RIMBP2: variants seen among roughly 807,000 people sequenced by gnomAD.
The protein encoded by RIMBP2 is RIMS binding protein 2, also known as RIMS-binding protein 2.
In RIMBP2, 48 loss-of-function variants were observed where a neutral mutation model predicts 118.6. That is an observed-to-expected ratio of 0.40 (90% CI 0.32 to 0.51). The LOEUF (loss-of-function observed/expected upper bound fraction) is 0.51. Ranked by LOEUF, RIMBP2 falls within the 20% of genes least tolerant of loss-of-function variation. RIMBP2 has a pLI of 0.41. For missense variants in RIMBP2, 1,551 were observed against 1,768.3 expected (o/e 0.88, Z 2.20); for synonymous variants, 762 against 742.9 (o/e 1.03, Z -0.42).
chr12:130,455,276 G>A (rs867834361), intron 7 of RIMBP2, among the ~76,000 whole-genome samples: 6 of 152,342 alleles, frequency 3.9e-5, no homozygotes, highest in African/African-American at 7.2e-5. Flanking sequence ...CTTGGCAGCC[G>A]CCTTCCAGGA....
chr12:130,498,485 G>A (rs1277892776), intron 4 of RIMBP2, among the ~76,000 whole-genome samples: 1 of 152,166 alleles, frequency 6.6e-6, no homozygotes, highest in Admixed American at 6.5e-5. Flanking sequence ...GACAAGATGA[G>A]TGCGCTGAAG....
intron 4 of RIMBP2, among the ~76,000 whole-genome samples, chr12:130,494,884 A>C (rs1032678390): frequency 6.6e-6 from 1 of 152,230 alleles, no homozygotes; most frequent in African/African-American, 2.4e-5. Context: ...GCCCTGGAGC[A>C]CAGAAGGCTG....
At chr12:130,470,664 C>T (rs979017315) in intron 6 of RIMBP2, 29 bp downstream of exon 6, 9 of 1,224,530 alleles carry the variant, frequency 7.3e-6, no homozygotes, top group Admixed American at 8.4e-5. Context: ...CCCCCACCCC[C>T]GGGCAGAAAG....
At chr12:130,526,949 G>T (rs1200859095) in intron 2 of RIMBP2, among the ~76,000 whole-genome samples, 3 of 152,198 alleles carry the variant, frequency 2.0e-5, no homozygotes, top group African/African-American at 7.2e-5. Context: ...GAAGCCTGGA[G>T]AGGGAGCCTG....
chr12:130,691,839 G>A (rs2065320579), intron 1 of RIMBP2, among the ~76,000 whole-genome samples: 1 of 152,170 alleles, frequency 6.6e-6, no homozygotes, highest in South Asian at 2.1e-4. Flanking sequence ...AAATTAGCAG[G>A]AGAATAGAGG....
rs377373948 is a variant in RIMBP2, at chr12:130,601,565, T to C, written c.-217+26757A>G. The stretch of plus-strand genomic sequence containing the variant: ...CTCCAAGGCATCATTCAGCCCAGTC[T>C]AGAGACCTCAGTGTTTGGGGAGAGG... On this transcript the variant is annotated intron_variant, in intron 2 of 22. Transcript: ENST00000690449. Among the ~76,000 whole-genome samples the C allele has an allele frequency of 3.2e-4, 48 of 152,276 alleles. 1 individual carries two copies. The highest frequency in any genetic ancestry group is 1.1e-3 in the African/African-American group (45 of 41,552).
chr12:130,550,674 C>G (rs1290202069), intron 2 of RIMBP2, among the ~76,000 whole-genome samples: 2 of 152,248 alleles, frequency 1.3e-5, no homozygotes, highest in Non-Finnish European at 1.5e-5. Flanking sequence ...TGTCATTAGA[C>G]ATGATGTGGA....
At position 130,701,967 on chromosome 12, in the gene RIMBP2, C is replaced by T. The variant is rs748645260; in HGVS notation, c.-352+14255G>A. 1.2e-4 allele frequency among the ~76,000 whole-genome samples: 18 copies of T among 152,150 alleles called. 1 individual carries two copies. In the Middle Eastern group the frequency reaches 0.014, roughly 115 times the overall value. On this transcript the variant is annotated intron_variant, in intron 1 of 22. Transcript: ENST00000690449. ...TAGGGAAGGGACTGCAGGCACAAGG[C>T]CCACCAAAACATAATGCGGCACGAA... is the stretch of plus-strand genomic sequence containing the variant.
At chr12:130,583,409 ACATCAT>A (rs34904786) in intron 2 of RIMBP2, among the ~76,000 whole-genome samples, 3 of 150,078 alleles carry the variant, frequency 2.0e-5, no homozygotes, top group African/African-American at 7.4e-5. Context: ...CATCACCATT[ACATCAT>A]CATCATCATC....
intron 1 of RIMBP2, among the ~76,000 whole-genome samples, chr12:130,635,906 C>G (rs1010996284): frequency 2.0e-5 from 3 of 152,068 alleles, no homozygotes; most frequent in African/African-American, 7.2e-5. Context: ...TCCACTCTAC[C>G]ACCCCCTACT....
chr12:130,437,940 A>G (rs2077661136), intron 12 of RIMBP2, among the ~76,000 whole-genome samples: 1 of 152,232 alleles, frequency 6.6e-6, no homozygotes, highest in African/African-American at 2.4e-5. Flanking sequence ...ACCAGGCACC[A>G]GGGATATACC....
chr12:130,399,140 G>T (rs2074282508), intron 22 of RIMBP2: 1 of 1,398,462 alleles, frequency 7.2e-7, no homozygotes, highest in Admixed American at 2.5e-5. Flanking sequence ...CCTGATTAAG[G>T]TGTGAAATGA....
chr12:130,468,202 C>T (rs2080677883), intron 6 of RIMBP2, among the ~76,000 whole-genome samples: 1 of 152,196 alleles, frequency 6.6e-6, no homozygotes, highest in African/African-American at 2.4e-5. Flanking sequence ...CCAAAGTGCT[C>T]ACCCTGCAAA....
Position 130,422,389 on chromosome 12 carries a change from G to T in RIMBP2, c.3238+64C>A. 8.6e-7 allele frequency: 1 copy of T among 1,169,494 alleles called. No individual in the cohort carries two copies. The highest frequency in any genetic ancestry group is 1.3e-6 in the Non-Finnish European group (1 of 798,150). 72.4% of individuals were successfully genotyped at this position (1,169,494 alleles called of 1,614,324 possible). On this transcript the variant is annotated intron_variant, in intron 17 of 22. Transcript: ENST00000690449. This position sits in a 1 kb window ranked among gnomAD's most constrained non-coding sequence, Gnocchi z 5.2. ...ACTCCTAAAGTTTTGTTCATGCTTA[G>T]ATGGAGTAAGCAGCCACATGCTCCG...
chr12:130,493,346 G>A lies in RIMBP2; in HGVS notation c.-4+13302C>T, dbSNP rs137975733. Among the ~76,000 whole-genome samples the A allele has an allele frequency of 2.9e-4, 44 of 151,842 alleles. No homozygotes were observed. The East Asian group carries it at 7.6e-3, about 26-fold the overall frequency. On this transcript the variant is annotated intron_variant, in intron 4 of 22. Coordinates refer to ENST00000690449, the MANE Select transcript of RIMBP2 (RefSeq NM_001393629.1). ...TGTTTTGTTTTTGAGATGGAATCTCGCTCTGTTGCCCAGGCTGGAGTGCAA... is the reference window on the plus strand; with the variant it reads ...TGTTTTGTTTTTGAGATGGAATCTCACTCTGTTGCCCAGGCTGGAGTGCAA...
chr12:130,675,436 G>A (rs975091935), intron 1 of RIMBP2, among the ~76,000 whole-genome samples: 6 of 152,152 alleles, frequency 3.9e-5, no homozygotes, highest in Non-Finnish European at 8.8e-5. Flanking sequence ...GCTCTGCACA[G>A]AGGCAAAATC....
At chr12:130,506,840 T>C (rs766636556) in intron 3 of RIMBP2, 70 bp from the exon 4 acceptor site, 17 of 969,560 alleles carry the variant, frequency 1.8e-5, no homozygotes, top group Middle Eastern at 1.1e-3. Context: ...CGTTGCTTCC[T>C]CTTTAGGAGC....
At chr12:130,439,189 AATGTGTGCATAT>A (rs1318353815) in intron 11 of RIMBP2, among the ~76,000 whole-genome samples, 1 of 137,700 alleles carries the variant, frequency 7.3e-6, no homozygotes, top group Non-Finnish European at 1.6e-5. Context: ...GTATGTGTGT[AATGTGTGCATAT>A]ATGTGTATAT....
At chr12:130,554,410 A>G (rs181172291) in intron 2 of RIMBP2, among the ~76,000 whole-genome samples, 1 of 152,334 alleles carries the variant, frequency 6.6e-6, no homozygotes, top group East Asian at 1.9e-4. Flanking sequence ...ATCCAACACA[A>G]ACAGGTAGAG....
Sources: gnomAD v4.1 joint callset for allele counts (sites outside exome capture counted in the v4.1 genomes callset) on GRCh38, gnomAD v4.1.1 for gene constraint, Gnocchi (gnomAD v3.1) non-coding constraint, MANE v1.5 for transcripts, NCBI Gene and HGNC (gene_info 2026-07-23, HGNC 2026-07-21) for gene names.